Variants in HSPH1 observed in about 807,000 individuals in gnomAD.
The protein encoded by HSPH1 is heat shock protein 105 kDa.
In HSPH1, 40 loss-of-function variants were observed where a neutral mutation model predicts 100.0. The ratio of observed to expected loss-of-function variants is 0.40; its 90% confidence interval spans 0.31 to 0.52. The LOEUF (loss-of-function observed/expected upper bound fraction) is 0.52, where lower values mean the gene tolerates loss of function less well. Among genes scored for constraint, HSPH1 ranks in the 20% least tolerant of loss-of-function variants. HSPH1 has a pLI of 0.54. For missense variants in HSPH1, 876 were observed against 1,015.1 expected (o/e 0.86, Z 1.86); for synonymous variants, 403 against 344.0 (o/e 1.17, Z -1.90).
At chr13:31,158,720 A>G (rs1008173832) in intron 2 of HSPH1, 86 bp downstream of exon 2, 3 of 836,348 alleles carry the variant, frequency 3.6e-6, no homozygotes, top group African/African-American at 1.7e-5. Flanking sequence ...ACTTAGGCAC[A>G]CTTTACCCTC....
intron 1 of HSPH1, among the ~76,000 whole-genome samples, chr13:31,161,156 G>A (rs754515876): frequency 1.3e-5 from 2 of 152,208 alleles, no homozygotes; most frequent in Non-Finnish European, 2.9e-5. Flanking sequence ...GAAGTTGCGG[G>A]CTTTGCCGCA....
intron 2 of HSPH1, among the ~76,000 whole-genome samples, chr13:31,157,903 GA>G (rs1956755737): frequency 6.7e-6 from 1 of 149,964 alleles, no homozygotes; most frequent in African/African-American, 2.5e-5. Flanking sequence ...GTAGTCAACA[GA>G]AAAAAATTGA....
Position 31,151,617 on chromosome 13 carries a change from T to C in HSPH1, c.655A>G (p.Lys219Glu), listed in dbSNP as rs769814948. The C allele has an allele frequency of 6.2e-7, 1 of 1,609,768 alleles. No individual in the cohort carries two copies. The highest frequency in any genetic ancestry group is 8.5e-7 in the Non-Finnish European group (1 of 1,178,746). Residue 219 changes from lysine to glutamate, a missense_variant, in exon 6 of 18, where the codon AAA (lysine) becomes GAA (glutamate). Lys to Glu is a moderately conservative substitution (Grantham distance 56, BLOSUM62 1). Coordinates refer to ENST00000320027, the MANE Select transcript of HSPH1 (RefSeq NM_006644.4). ...CCAATGTATGACTTTACCTTCAATT[T>C]TCCCTTGTTAAAAGCACAAGCAGAC... ...QVSACAFNKG[K>E]LKVLGTAFDP...
In HSPH1 at chr13:31,138,316, T is replaced by C. The variant is rs931304134; in HGVS notation, c.2370+91A>G. ...TTCAGTTAGGATGAGGTAAAAGATT[T>C]ACAGGAAAAATGGCTATGTTGAAGG... On this transcript the variant is annotated intron_variant, in intron 17 of 17. Transcript: ENST00000320027. 4.1e-5 allele frequency: 49 copies of C among 1,203,436 alleles called. No individual in the cohort carries two copies. The African/African-American group carries it at 7.0e-4, about 17-fold the overall frequency. 74.5% of individuals were successfully genotyped at this position (1,203,436 alleles called of 1,614,324 possible).
chr13:31,149,669 C>T (rs1191866384), intron 8 of HSPH1, among the ~76,000 whole-genome samples: 4 of 152,196 alleles, frequency 2.6e-5, no homozygotes, highest in Non-Finnish European at 5.9e-5. Flanking sequence ...ACTGCCACTA[C>T]TACACAGCTA....
intron 7 of HSPH1, among the ~76,000 whole-genome samples, chr13:31,150,470 G>T (rs1390445398): frequency 1.3e-5 from 2 of 152,136 alleles, no homozygotes; most frequent in Non-Finnish European, 2.9e-5. Flanking sequence ...ACAGAGTCTT[G>T]CTGAGTGCAG....
chr13:31,155,830 A>G (rs191575667), intron 2 of HSPH1, among the ~76,000 whole-genome samples, 176 bp from the exon 3 acceptor site: 3 of 152,308 alleles, frequency 2.0e-5, no homozygotes, highest in Admixed American at 1.3e-4. Flanking sequence ...TTTTATTTAT[A>G]CTTTTTCCTT....
chr13:31,158,657 G>A (rs1311183052), intron 2 of HSPH1, 149 bp downstream of exon 2: 26 of 529,816 alleles, frequency 4.9e-5, no homozygotes, highest in Non-Finnish European at 6.6e-5. Flanking sequence ...GTCATCATCT[G>A]AAGGTTCATA....
At position 31,145,863 on chromosome 13, in the gene HSPH1, T is replaced by C. The variant is rs1956249209; in HGVS notation, c.1379-95A>G. The C allele has an allele frequency of 2.0e-5, 23 of 1,137,408 alleles. No homozygotes were observed. In the South Asian group the frequency reaches 3.1e-4, roughly 15 times the overall value. 70.5% of individuals were successfully genotyped at this position (1,137,408 alleles called of 1,614,324 possible). A position where few individuals can be genotyped will look rare whatever the true frequency, so the allele number is the denominator to read the frequency against. ...AGGCCAGGTGGGTGGTTCATGTCTG[T>C]AATCCCAGCACTTTGGGAGGCCGTG... On this transcript the variant is annotated intron_variant, in intron 10 of 17. Coordinates refer to ENST00000320027, the MANE Select transcript of HSPH1 (RefSeq NM_006644.4).
chr13:31,161,722 A>G lies in HSPH1; in HGVS notation c.-140T>C, dbSNP rs1183235484. On this transcript the variant is annotated 5_prime_UTR_variant, in exon 1 of 18. Coordinates refer to ENST00000320027, the MANE Select transcript of HSPH1 (RefSeq NM_006644.4). The stretch of plus-strand genomic sequence containing the variant: ...TCTGGCCGTTCCTCTGACACTCAGA[A>G]GGACACACAGACAGCCGCGGCCTGT... 8.5e-6 allele frequency: 13 copies of G among 1,535,264 alleles called. No individual in the cohort carries two copies. The East Asian group carries it at 2.9e-4, about 35-fold the overall frequency.
At chr13:31,145,803 A>G (rs1287911549) in intron 10 of HSPH1, 35 bp from the exon 11 acceptor site, 1 of 1,591,776 alleles carries the variant, frequency 6.3e-7, no homozygotes, top group Admixed American at 1.7e-5. Context: ...CAAAATCACA[A>G]TTTATTTAGA....
At position 31,161,658 on chromosome 13, in the gene HSPH1, G is replaced by A. The variant is rs1287490486; in HGVS notation, c.-76C>T. Reference sequence around the variant, plus strand: ...CCCCCTGCCTGCTTCTCCTGCCGCCGCTTTCTGCCCTGGCCGCGTTCTGCT... The same window carrying A: ...CCCCCTGCCTGCTTCTCCTGCCGCCACTTTCTGCCCTGGCCGCGTTCTGCT... On this transcript the variant is annotated 5_prime_UTR_variant, in exon 1 of 18. Transcript: ENST00000320027. 1.3e-6 allele frequency: 2 copies of A among 1,585,964 alleles called. No individual in the cohort carries two copies. Among genetic ancestry groups the A allele is most frequent in the Non-Finnish European group, 1.7e-6 (2 of 1,172,120 alleles).
At chr13:31,140,740 T>A (rs2137544196) in intron 13 of HSPH1, 2 of 174,064 alleles carry the variant, frequency 1.1e-5, no homozygotes, top group Middle Eastern at 5.1e-3. Flanking sequence ...AATACGATGT[T>A]CCCACCTCAG....
Position 31,155,563 on chromosome 13 carries a change from T to C in HSPH1, c.257A>G (p.Asn86Ser). Residue 86 changes from asparagine to serine, a missense_variant, in exon 3 of 18, where the codon AAC becomes AGC. By Grantham distance (46) the Asn-to-Ser change is conservative. Transcript: ENST00000320027. ...CAATGGAACCAAATCGTAACTCAAG[T>C]TTTCCTTCTCCTTTTGAATGAAGGG... is the stretch of plus-strand genomic sequence containing the variant. Reference protein sequence around the residue: ...NDPFIQKEKENLSYDLVPLKN... With the variant: ...NDPFIQKEKESLSYDLVPLKN... 6.2e-7 allele frequency: 1 copy of C among 1,612,500 alleles called. No individual in the cohort carries two copies. Among genetic ancestry groups the C allele is most frequent in the Non-Finnish European group, 8.5e-7 (1 of 1,178,992 alleles).
intron 8 of HSPH1, among the ~76,000 whole-genome samples, chr13:31,148,755 G>A (rs1271814411): frequency 6.6e-6 from 1 of 151,950 alleles, no homozygotes. Flanking sequence ...AAAAAAGCCT[G>A]GTCTTTCTAG....
chr13:31,148,202 C>A, intron 9 of HSPH1, 110 bp from the exon 10 acceptor site: 1 of 1,195,920 alleles, frequency 8.4e-7, no homozygotes, highest in Non-Finnish European at 1.2e-6. Flanking sequence ...TCTATCTCAT[C>A]ATTTACAATA....
intron 2 of HSPH1, among the ~76,000 whole-genome samples, chr13:31,157,526 A>C (rs1956741268): frequency 6.6e-6 from 1 of 152,252 alleles, no homozygotes; most frequent in Non-Finnish European, 1.5e-5. Context: ...GCATTTTAAG[A>C]GATGTTTTTG....
In HSPH1 at chr13:31,136,776, A is replaced by G. The variant is rs1593704043; in HGVS notation, c.*542T>C. The G allele has an allele frequency of 5.7e-6, 1 of 176,928 alleles. No homozygotes were observed. The allele number at this position is 176,928 out of a possible 1,614,324, so 11.0% of individuals were successfully genotyped here. A position where few individuals can be genotyped will look rare whatever the true frequency, so the allele number is the denominator to read the frequency against. ...AGAAAGTTTAAAGTTTTTGTTCTGC[A>G]TGCTGCTAACACATTTGACTAGCTT... On this transcript the variant is annotated 3_prime_UTR_variant, in exon 18 of 18. Transcript: ENST00000320027.
Position 31,161,801 on chromosome 13 carries a change from G to A in HSPH1, c.-219C>T, listed in dbSNP as rs879129681. On this transcript the variant is annotated 5_prime_UTR_variant, in exon 1 of 18. Coordinates refer to ENST00000320027, the MANE Select transcript of HSPH1 (RefSeq NM_006644.4). ...CGGCGGCTGGCTGATAAGAAACCCT[G>A]GGAGAAAGCGGGGCTCAGCCTCCGC... The A allele has an allele frequency of 1.7e-5, 26 of 1,486,246 alleles. No individual in the cohort carries two copies. The highest frequency in any genetic ancestry group is 3.9e-5 in the South Asian group (3 of 77,620). 92.1% of individuals were successfully genotyped at this position (1,486,246 alleles called of 1,614,324 possible).
Sources: gnomAD v4.1 joint callset for allele counts (sites outside exome capture counted in the v4.1 genomes callset) on GRCh38, gnomAD v4.1.1 for gene constraint, MANE v1.5 for transcripts, NCBI Gene and HGNC (gene_info 2026-07-23, HGNC 2026-07-21) for gene names.